ACBD6: variants seen among roughly 807,000 people sequenced by gnomAD.
The protein encoded by ACBD6 is acyl-CoA-binding domain-containing protein 6.
Under a neutral mutation model 37.2 loss-of-function variants are expected in ACBD6, and 28 were observed. The ratio of observed to expected loss-of-function variants is 0.75; its 90% CI spans 0.56 to 1.03. ACBD6 has a LOEUF of 1.03. Ranked by LOEUF, ACBD6 falls within the 50% of genes least tolerant of loss-of-function variation. The pLI, the probability that ACBD6 is intolerant of heterozygous loss-of-function variation, is 0.00. For synonymous variants in ACBD6, 113 were observed against 126.8 expected, an observed-to-expected ratio of 0.89 and a Z score of 0.73; for missense variants, 340 against 337.4, an observed-to-expected ratio of 1.01 and a Z score of -0.06.
At chr1:180,323,011 C>T (rs1368070005) in intron 6 of ACBD6, among the ~76,000 whole-genome samples, 3 of 151,744 alleles carry the variant, frequency 2.0e-5, no homozygotes, top group Admixed American at 6.6e-5. Flanking sequence ...AAACTTCTCT[C>T]TTGGTACTGC....
intron 7 of ACBD6, among the ~76,000 whole-genome samples, chr1:180,290,998 G>T (rs887392346): frequency 2.0e-5 from 3 of 152,212 alleles, no homozygotes; most frequent in African/African-American, 7.2e-5. Context: ...TCCAGAAATA[G>T]AAATCATATA....
At chr1:180,445,852 G>A (rs914416714) in intron 3 of ACBD6, among the ~76,000 whole-genome samples, 1 of 152,142 alleles carries the variant, frequency 6.6e-6, no homozygotes, top group African/African-American at 2.4e-5. Context: ...CAATGCCACA[G>A]AAGTGGCAGA....
chr1:180,457,442 G>A (rs1431627726), intron 3 of ACBD6, among the ~76,000 whole-genome samples: 1 of 151,858 alleles, frequency 6.6e-6, no homozygotes, highest in South Asian at 2.1e-4. Context: ...CCTACGGGGA[G>A]AAACGTCTCT....
At chr1:180,314,649 A>G (rs1650728393) in intron 7 of ACBD6, 43 bp downstream of exon 7, 1 of 1,440,228 alleles carries the variant, frequency 6.9e-7, no homozygotes, top group East Asian at 2.3e-5. Flanking sequence ...CAAATAGAGA[A>G]TATGTTCAAA....
At chr1:180,405,218 T>C (rs143672239) in intron 5 of ACBD6, among the ~76,000 whole-genome samples, 2 of 152,342 alleles carry the variant, frequency 1.3e-5, no homozygotes, top group East Asian at 3.9e-4. Context: ...TGTTACTTAG[T>C]ACTGTCACAG....
chr1:180,338,513 C>G (rs1045224148), intron 6 of ACBD6, among the ~76,000 whole-genome samples: 2 of 152,042 alleles, frequency 1.3e-5, no homozygotes, highest in Admixed American at 6.6e-5. Context: ...CTTACACCTT[C>G]TACAAAAATT....
chr1:180,490,273 T>A (rs910481942), intron 3 of ACBD6, among the ~76,000 whole-genome samples: 4 of 152,198 alleles, frequency 2.6e-5, no homozygotes, highest in African/African-American at 9.7e-5. Context: ...CTCAGAACCT[T>A]GAGAAACATA....
intron 4 of ACBD6, among the ~76,000 whole-genome samples, chr1:180,418,835 A>C (rs1648209739): frequency 6.6e-6 from 1 of 152,266 alleles, no homozygotes; most frequent in Non-Finnish European, 1.5e-5. Flanking sequence ...CCTTTCTGAA[A>C]AACCTTGGTT....
chr1:180,394,391 GTTTT>G (rs201149746), intron 6 of ACBD6, among the ~76,000 whole-genome samples: 1 of 146,932 alleles, frequency 6.8e-6, no homozygotes, highest in Non-Finnish European at 1.5e-5. Flanking sequence ...CATCTGGCCA[GTTTT>G]TTTTTTTTTC....
chr1:180,495,468 G>T lies in ACBD6; in HGVS notation c.280C>A (p.Gln94Lys). Reference protein sequence around the residue: ...KPSFFDFEGKQKWEAWKALGD... With the variant: ...KPSFFDFEGKKKWEAWKALGD... ...ATTCCAGGAATTTCTTACCATTTTT[G>T]CTTTCCTTCAAAATCAAAGAAGCTT... Residue 94 changes from glutamine (Q) to lysine (K), a missense_variant, in exon 2 of 8, where the codon CAA becomes AAA. By Grantham distance (53) the Gln-to-Lys change is moderately conservative (BLOSUM62 1). Coordinates refer to ENST00000367595, the MANE Select transcript of ACBD6 (RefSeq NM_032360.4). The T allele has an allele frequency of 6.3e-7, 1 of 1,599,108 alleles. No homozygotes were observed. The highest frequency in any genetic ancestry group is 1.7e-5 in the Admixed American group (1 of 57,652).
intron 6 of ACBD6, among the ~76,000 whole-genome samples, chr1:180,337,925 T>G (rs1335134022): frequency 2.0e-5 from 3 of 152,114 alleles, no homozygotes; most frequent in Non-Finnish European, 4.4e-5. Flanking sequence ...ATAAAATACC[T>G]AGGAATACAA....
chr1:180,416,600 CAG>C (rs1648104245), intron 4 of ACBD6, among the ~76,000 whole-genome samples: 2 of 152,122 alleles, frequency 1.3e-5, no homozygotes, highest in Admixed American at 1.3e-4. Flanking sequence ...TAGCACAAAA[CAG>C]AAAGTCTCTT....
intron 6 of ACBD6, among the ~76,000 whole-genome samples, chr1:180,330,859 A>C (rs1651455354): frequency 6.6e-6 from 1 of 152,250 alleles, no homozygotes; most frequent in South Asian, 2.1e-4. Flanking sequence ...TATGTGCTCT[A>C]TCCACACGGT....
At chr1:180,404,658 A>G (rs1366475180) in intron 5 of ACBD6, among the ~76,000 whole-genome samples, 1 of 152,040 alleles carries the variant, frequency 6.6e-6, no homozygotes, top group Non-Finnish European at 1.5e-5. Context: ...GGGTTTCACT[A>G]TGTTGGCCAG....
intron 3 of ACBD6, among the ~76,000 whole-genome samples, chr1:180,462,513 T>C (rs1292468712): frequency 6.6e-6 from 1 of 152,190 alleles, no homozygotes; most frequent in Non-Finnish European, 1.5e-5. Flanking sequence ...AGGGGTTCAA[T>C]TCAACAAGAA....
intron 1 of ACBD6, 88 bp downstream of exon 1, chr1:180,501,957 G>T (rs2102111671): frequency 1.6e-6 from 2 of 1,256,900 alleles, no homozygotes; most frequent in Non-Finnish European, 2.3e-6. Context: ...ATTACACCTA[G>T]CTATTAACCA....
chr1:180,310,387 C>T (rs2149288970), intron 7 of ACBD6, among the ~76,000 whole-genome samples: 1 of 152,086 alleles, frequency 6.6e-6, no homozygotes, highest in East Asian at 1.9e-4. Flanking sequence ...AAAAACCCTA[C>T]TAGAGGCCTA....
chr1:180,288,134 A>G (rs1649563481), downstream of ACBD6: 1 of 518,300 alleles, frequency 1.9e-6, no homozygotes, highest in Non-Finnish European at 3.4e-6. Context: ...CATGCTCAGC[A>G]GAATTGGATT....
chr1:180,338,031 C>T (rs1242535492), intron 6 of ACBD6, among the ~76,000 whole-genome samples: 1 of 152,066 alleles, frequency 6.6e-6, no homozygotes, highest in Admixed American at 6.6e-5. Context: ...ACAAGAGGAT[C>T]CAAACAATGG....
Sources: gnomAD v4.1 joint callset for allele counts (sites outside exome capture counted in the v4.1 genomes callset) on GRCh38, gnomAD v4.1.1 for gene constraint, MANE v1.5 for transcripts, NCBI Gene and HGNC (gene_info 2026-07-23, HGNC 2026-07-21) for gene names.